TAP2: variants seen among roughly 807,000 people sequenced by gnomAD.
TAP2 encodes transporter 2, ATP binding cassette subfamily B member.
A neutral mutation model predicts 74.7 loss-of-function variants in TAP2; 49 were observed. That is an observed-to-expected ratio of 0.66 (90% CI 0.52 to 0.83). The LOEUF (loss-of-function observed/expected upper bound fraction) is 0.83. TAP2 is among the 40% of genes least tolerant of loss of function. TAP2 has a pLI of 0.00. For missense variants in TAP2, 739 were observed against 859.0 expected, an observed-to-expected ratio of 0.86 and a Z score of 1.75; for synonymous variants, 306 against 368.4, an observed-to-expected ratio of 0.83 and a Z score of 1.94.
rs949600723 is a variant in TAP2, at chr6:32,832,612, A to T, written c.1143+15T>A. 3 of 1,611,970 alleles carry T rather than the reference A, an allele frequency of 1.9e-6. No individual in the cohort carries two copies. In the African/African-American group the frequency reaches 4.0e-5, roughly 22 times the overall value. On this transcript the variant is annotated intron_variant, in intron 6 of 11. Transcript: ENST00000374897. This position sits in a 1 kb window ranked among gnomAD's most constrained non-coding sequence, Gnocchi z 5.9. ...CCTTTCCTGGGCTCCTTTCACAACC[A>T]CTCTGGTATCTTACCCTCCTTACGA...
chr6:32,825,141 T>TATATATATATATATATATAC (rs1290165058), downstream of TAP2, among the ~76,000 whole-genome samples: 2 of 150,876 alleles, frequency 1.3e-5, no homozygotes, highest in Non-Finnish European at 3.0e-5. Flanking sequence ...TACATATATA[T>TATATATATATATATATATAC]ATATATGGAG....
chr6:32,822,322 GA>G (rs61021012), downstream of TAP2: 16,584 of 1,325,670 alleles, frequency 0.013, 384 homozygotes, highest in South Asian at 0.091. Flanking sequence ...GGGTTTTCTA[GA>G]AAAAAAAAAC....
chr6:32,829,001 C>A lies in TAP2; in HGVS notation c.1966G>T (p.Val656Leu). 6.4e-7 allele frequency: 1 copy of A among 1,551,748 alleles called. No homozygotes were observed. The highest frequency in any genetic ancestry group is 8.7e-7 in the Non-Finnish European group (1 of 1,147,672). ...QDWNSRGDRT[V>L]LVIAHRLQTV... ...TGCAGCCTGTGAGCAATCACCAGCA[C>A]TGTGCGATCCCCACGGGAATTCCAG... is the stretch of plus-strand genomic sequence containing the variant. The change falls in exon 12 of 12, where the codon GTG becomes TTG. Residue 656 changes from valine (V) to leucine (L), a missense_variant. Transcript: ENST00000374897.
At chr6:32,823,626 G>C (rs2856993), downstream of TAP2, among the ~76,000 whole-genome samples, 29,483 of 151,570 alleles carry the variant, frequency 0.19, 3,054 homozygotes, top group Admixed American at 0.27. Flanking sequence ...GCAAATAATA[G>C]AGTTTTTATC....
chr6:32,835,919 C>A lies in TAP2; in HGVS notation c.609-146G>T. On this transcript the variant is annotated intron_variant, in intron 3 of 11. Coordinates refer to ENST00000374897, the MANE Select transcript of TAP2 (RefSeq NM_001290043.2). The surrounding 1 kb of genome is among the most constrained non-coding windows in gnomAD (Gnocchi z 4.0). Reference sequence around the variant, plus strand: ...GGGCAAAAGAGAAAGAAATGAGAGACAGACACACAGAGAGAGAAGAGGTAA... The same window carrying A: ...GGGCAAAAGAGAAAGAAATGAGAGAAAGACACACAGAGAGAGAAGAGGTAA... 1.1e-6 allele frequency: 1 copy of A among 949,518 alleles called. No individual in the cohort carries two copies. Among genetic ancestry groups the A allele is most frequent in the South Asian group, 1.5e-5 (1 of 68,156 alleles). The allele number at this position is 949,518 out of a possible 1,614,324, so 58.8% of individuals were successfully genotyped here.
chr6:32,822,454 G>C, downstream of TAP2: 1 of 651,302 alleles, frequency 1.5e-6, no homozygotes, highest in Non-Finnish European at 2.7e-6. Flanking sequence ...TTTTATATTT[G>C]TGCATTGTCA....
chr6:32,822,258 C>G, downstream of TAP2: 1 of 1,503,112 alleles, frequency 6.7e-7, no homozygotes, highest in Non-Finnish European at 9.2e-7. Context: ...TTCATTTGAA[C>G]TCATTATTCC....
chr6:32,824,021 C>T (rs1248745689), downstream of TAP2, among the ~76,000 whole-genome samples: 5 of 151,666 alleles, frequency 3.3e-5, no homozygotes, highest in Admixed American at 6.6e-5. Context: ...AATACGAGCA[C>T]TTGATTTATT....
At position 32,828,674 on chromosome 6, in the gene TAP2, A is replaced by AGGC; in HGVS notation, c.*231_*232insGCC. The stretch of plus-strand genomic sequence containing the variant: ...GGAATTAAGTTTCCTGGACACAGAC[A>AGGC]GCCCCCACCCCACCCCACCCCACCT... On this transcript the variant is annotated 3_prime_UTR_variant, in exon 12 of 12. Transcript: ENST00000374897. 2 of 922,030 alleles carry AGGC rather than the reference A, an allele frequency of 2.2e-6. No individual in the cohort carries two copies. The highest frequency in any genetic ancestry group is 2.6e-6 in the Non-Finnish European group (2 of 765,322). The allele number at this position is 922,030 out of a possible 1,614,324, so 57.1% of individuals were successfully genotyped here.
chr6:32,835,549 T>C lies in TAP2; in HGVS notation c.739+94A>G, dbSNP rs1769359984. On this transcript the variant is annotated intron_variant, in intron 4 of 11. Coordinates refer to ENST00000374897, the MANE Select transcript of TAP2 (RefSeq NM_001290043.2). The surrounding 1 kb of genome is among the most constrained non-coding windows in gnomAD (Gnocchi z 4.0). ...AGAAAAGCATCCCCAAGTCCTGGCA[T>C]ACGGGTGAAGGCAGGAGGAGAGGCT... is the stretch of plus-strand genomic sequence containing the variant. 1 of 1,579,296 alleles carries C rather than the reference T, an allele frequency of 6.3e-7. No individual in the cohort carries two copies. The highest frequency in any genetic ancestry group is 8.7e-7 in the Non-Finnish European group (1 of 1,152,762).
At position 32,828,670 on chromosome 6, in the gene TAP2, A is replaced by G; in HGVS notation, c.*236T>C. 1 of 1,045,110 alleles carries G rather than the reference A, an allele frequency of 9.6e-7. No homozygotes were observed. The highest frequency in any genetic ancestry group is 1.2e-6 in the Non-Finnish European group (1 of 858,822). The allele number at this position is 1,045,110 out of a possible 1,614,324, so 64.7% of individuals were successfully genotyped here. A position where few individuals can be genotyped will look rare whatever the true frequency, so the allele number is the denominator to read the frequency against. ...CCAGGGAATTAAGTTTCCTGGACAC[A>G]GACAGCCCCCACCCCACCCCACCCC... is the stretch of plus-strand genomic sequence containing the variant. On this transcript the variant is annotated 3_prime_UTR_variant, in exon 12 of 12. Transcript: ENST00000374897.
Position 32,835,053 on chromosome 6 carries a change from G to T in TAP2, c.945+101C>A. 7.9e-7 allele frequency: 1 copy of T among 1,258,340 alleles called. No homozygotes were observed. The highest frequency in any genetic ancestry group is 1.1e-6 in the Non-Finnish European group (1 of 874,060). 77.9% of individuals were successfully genotyped at this position (1,258,340 alleles called of 1,614,324 possible). On this transcript the variant is annotated intron_variant, in intron 5 of 11. Transcript: ENST00000374897. The surrounding 1 kb of genome is among the most constrained non-coding windows in gnomAD (Gnocchi z 4.0). Reference sequence around the variant, plus strand: ...TACCTTCTCCCCTAATGGCTGAGAAGAGAACATCTCTCTCTAGGGGATCCT... The same window carrying T: ...TACCTTCTCCCCTAATGGCTGAGAATAGAACATCTCTCTCTAGGGGATCCT...
downstream of TAP2, chr6:32,822,359 G>C: frequency 7.7e-7 from 1 of 1,304,494 alleles, no homozygotes. Context: ...ATCTTAATGG[G>C]TGTTTTTTAA....
chr6:32,829,867 T>C, intron 10 of TAP2, 63 bp downstream of exon 10: 2 of 1,605,106 alleles, frequency 1.2e-6, no homozygotes, highest in African/African-American at 2.7e-5. Flanking sequence ...CCTTCACCAC[T>C]AAGAGTAAGT....
chr6:32,835,595 G>A lies in TAP2; in HGVS notation c.739+48C>T, dbSNP rs1769362286. 6.2e-7 allele frequency: 1 copy of A among 1,612,664 alleles called. No individual in the cohort carries two copies. The highest frequency in any genetic ancestry group is 1.3e-5 in the African/African-American group (1 of 75,006). ...AGGCTGTGGGTGGAAGGTCACTGAG[G>A]GGCAAGGGATGTCCATGGGAATCTC... On this transcript the variant is annotated intron_variant, in intron 4 of 11. Coordinates refer to ENST00000374897, the MANE Select transcript of TAP2 (RefSeq NM_001290043.2). The surrounding 1 kb of genome is among the most constrained non-coding windows in gnomAD (Gnocchi z 4.0).
intron 1 of TAP2, 69 bp downstream of exon 1, chr6:32,838,584 G>C (rs1481617849): frequency 3.6e-6 from 1 of 279,852 alleles, no homozygotes; most frequent in South Asian, 1.4e-4. Context: ...GGAAGCAGGA[G>C]CGTGGAGTGG....
In TAP2 at chr6:32,828,182, G is replaced by A; in HGVS notation, c.*724C>T. 5.7e-6 allele frequency: 5 copies of A among 881,848 alleles called. No homozygotes were observed. Among genetic ancestry groups the A allele is most frequent in the Non-Finnish European group, 6.8e-6 (5 of 736,094 alleles). 54.6% of individuals were successfully genotyped at this position (881,848 alleles called of 1,614,324 possible). On this transcript the variant is annotated 3_prime_UTR_variant, in exon 12 of 12. Transcript: ENST00000374897. The stretch of plus-strand genomic sequence containing the variant: ...ATGGGGATAATAACCAACCTCATAG[G>A]GTTGGGGATAATGATTAAAAACGAT...
rs1319119141 is a variant in TAP2 at position 32,835,075 on chromosome 6, T to A, written c.945+79A>T. 1 of 1,439,960 alleles carries A rather than the reference T, an allele frequency of 6.9e-7. No homozygotes were observed. Among genetic ancestry groups the A allele is most frequent in the Non-Finnish European group, 9.7e-7 (1 of 1,031,718 alleles). The allele number at this position is 1,439,960 out of a possible 1,614,324, so 89.2% of individuals were successfully genotyped here. On this transcript the variant is annotated intron_variant, in intron 5 of 11. Coordinates refer to ENST00000374897, the MANE Select transcript of TAP2 (RefSeq NM_001290043.2). This position sits in a 1 kb window ranked among gnomAD's most constrained non-coding sequence, Gnocchi z 4.0. ...GAAGAGAACATCTCTCTCTAGGGGA[T>A]CCTCTAGCCACAAATGTGGAAGCCT...
In TAP2 at chr6:32,837,911, G is replaced by C; in HGVS notation, c.323C>G (p.Ala108Gly). Reference protein sequence around the residue: ...PWSWLLVGYGAAGLSWSLWAV... With the variant: ...PWSWLLVGYGGAGLSWSLWAV... ...CCACAGTGACCAGCTGAGCCCCGCAGCCCCGTACCCCACCAGCAGCCAGCT... is the reference window on the plus strand; with the variant it reads ...CCACAGTGACCAGCTGAGCCCCGCACCCCCGTACCCCACCAGCAGCCAGCT... Residue 108 changes from alanine to glycine, a missense_variant, in exon 2 of 12, where the codon GCT (alanine) becomes GGT (glycine). By Grantham distance (60) the Ala-to-Gly change is moderately conservative. Coordinates refer to ENST00000374897, the MANE Select transcript of TAP2 (RefSeq NM_001290043.2). 1 of 1,611,864 alleles carries C rather than the reference G, an allele frequency of 6.2e-7. No individual in the cohort carries two copies.
Sources: allele counts gnomAD v4.1 joint callset (sites outside exome capture counted in the v4.1 genomes callset), GRCh38; gene constraint gnomAD v4.1.1; non-coding constraint Gnocchi (gnomAD v3.1); transcripts MANE v1.5; gene names NCBI Gene and HGNC (gene_info 2026-07-23, HGNC 2026-07-21).